Variants in CUBN observed in about 807,000 individuals in gnomAD.
CUBN encodes cubilin.
CUBN carries 282 observed loss-of-function variants against 405.3 expected under a neutral mutation model. The ratio of observed to expected loss-of-function variants is 0.70; its 90% CI spans 0.63 to 0.77. The LOEUF is 0.77. Among genes scored for constraint, CUBN ranks in the 30% least tolerant of loss-of-function variants. The pLI is 0.00. For synonymous variants in CUBN, 1,684 were observed against 1,617.0 expected (o/e 1.04, Z -0.99); for missense variants, 4,514 against 4,475.2 (o/e 1.01, Z -0.25).
intron 31 of CUBN, among the ~76,000 whole-genome samples, chr10:16,965,305 ATAC>A (rs1409414552): frequency 6.6e-6 from 1 of 152,224 alleles, no homozygotes; most frequent in African/African-American, 2.4e-5. Context: ...GTAACATCAC[ATAC>A]TAAAGTAAAG....
intron 10 of CUBN, among the ~76,000 whole-genome samples, chr10:17,106,594 T>G (rs1457684706): frequency 1.1e-5 from 1 of 89,596 alleles, no homozygotes; most frequent in African/African-American, 4.9e-5. Context: ...CAAAACGCCA[T>G]CTCAAAAAAA....
intron 59 of CUBN, among the ~76,000 whole-genome samples, chr10:16,862,106 G>A (rs900995422): frequency 5.3e-5 from 8 of 151,314 alleles, no homozygotes; most frequent in South Asian, 4.2e-4. Context: ...CGGAGATCAC[G>A]CCATTGCACT....
chr10:17,127,988 G>C, intron 2 of CUBN, 64 bp from the exon 3 acceptor site: 1 of 1,160,360 alleles, frequency 8.6e-7, no homozygotes, highest in Non-Finnish European at 1.3e-6. Context: ...TATCTTTACA[G>C]TAACATAATT....
At chr10:16,999,026 T>A (rs1049029421) in intron 28 of CUBN, among the ~76,000 whole-genome samples, 1 of 152,184 alleles carries the variant, frequency 6.6e-6, no homozygotes, top group African/African-American at 2.4e-5. Context: ...GAGCATCGGG[T>A]TTCAATGGTA....
chr10:16,910,128 T>C (rs940285558), intron 48 of CUBN, among the ~76,000 whole-genome samples: 2 of 151,956 alleles, frequency 1.3e-5, no homozygotes, highest in African/African-American at 4.8e-5. Context: ...TTCTCCTTCT[T>C]CTACTTCTTT....
At chr10:17,048,170 A>G (rs1432300263) in intron 22 of CUBN, among the ~76,000 whole-genome samples, 9 of 152,352 alleles carry the variant, frequency 5.9e-5, no homozygotes, top group Non-Finnish European at 7.3e-5. Context: ...AATGAAGAGG[A>G]TTGCTACCTT....
At chr10:16,894,536 T>C (rs1397950511) in intron 54 of CUBN, among the ~76,000 whole-genome samples, 1 of 152,228 alleles carries the variant, frequency 6.6e-6, no homozygotes, top group South Asian at 2.1e-4. Context: ...AGTGTATTTC[T>C]AGGTTCTCTG....
chr10:16,921,494 A>G lies in CUBN; in HGVS notation c.6647-1357T>C, dbSNP rs140458194. On this transcript the variant is annotated intron_variant, in intron 43 of 66. Transcript: ENST00000377833. ...CTTCTTCAACCCTATGAAAGCACTC[A>G]TGTTCTCCCAAGTCACCTCACAGTT... Among the ~76,000 whole-genome samples, 280 of 152,130 alleles carry G rather than the reference A, an allele frequency of 1.8e-3. 1 individual carries two copies. The South Asian group carries it at 0.023, about 13-fold the overall frequency.
intron 29 of CUBN, among the ~76,000 whole-genome samples, chr10:16,989,992 G>A (rs143324905): frequency 2.6e-4 from 40 of 152,342 alleles, no homozygotes; most frequent in African/African-American, 9.1e-4. Flanking sequence ...CCTCCACTGT[G>A]GTCCTTCAGA....
chr10:16,855,034 C>A (rs1341711897), intron 59 of CUBN, among the ~76,000 whole-genome samples: 1 of 135,980 alleles, frequency 7.4e-6, no homozygotes, highest in Non-Finnish European at 1.6e-5. Flanking sequence ...CTCTCTTTCT[C>A]TCTATCTCTC....
intron 28 of CUBN, among the ~76,000 whole-genome samples, chr10:17,009,007 C>T (rs546737492): frequency 1.2e-4 from 18 of 152,296 alleles, no homozygotes; most frequent in Admixed American, 1.1e-3. Flanking sequence ...CATGGAAGAG[C>T]TCGCCCTCTC....
At chr10:17,018,139 A>G (rs868336012) in intron 28 of CUBN, among the ~76,000 whole-genome samples, 4 of 152,044 alleles carry the variant, frequency 2.6e-5, no homozygotes, top group Non-Finnish European at 5.9e-5. Flanking sequence ...AAAGCCTGAC[A>G]CCCGTGTCTT....
intron 49 of CUBN, among the ~76,000 whole-genome samples, chr10:16,906,766 T>C (rs2131436739): frequency 6.6e-6 from 1 of 152,292 alleles, no homozygotes; most frequent in Non-Finnish European, 1.5e-5. Flanking sequence ...GATTAGCAAT[T>C]CTCCACTTGA....
intron 54 of CUBN, among the ~76,000 whole-genome samples, chr10:16,893,572 A>G (rs1047634586): frequency 1.7e-4 from 26 of 152,268 alleles, no homozygotes; most frequent in African/African-American, 6.0e-4. Flanking sequence ...TCTGCTTTCC[A>G]TTTCTAAAAC....
At chr10:16,998,596 C>T (rs1833798469) in intron 28 of CUBN, among the ~76,000 whole-genome samples, 1 of 152,186 alleles carries the variant, frequency 6.6e-6, no homozygotes, top group African/African-American at 2.4e-5. Flanking sequence ...CTAATGTATC[C>T]TCATTCTTTC....
At chr10:16,980,355 G>A (rs1210832232) in intron 31 of CUBN, among the ~76,000 whole-genome samples, 3 of 152,156 alleles carry the variant, frequency 2.0e-5, no homozygotes, top group Non-Finnish European at 4.4e-5. Context: ...ATAACCAAAG[G>A]ATTATAAATC....
chr10:16,903,099 A>G (rs556718564), intron 51 of CUBN, among the ~76,000 whole-genome samples: 47 of 152,358 alleles, frequency 3.1e-4, no homozygotes, highest in Non-Finnish European at 6.5e-4. Flanking sequence ...TCATGACAAA[A>G]TAGGATTTAT....
chr10:16,913,893 G>T lies in CUBN; in HGVS notation c.7451C>A (p.Ala2484Asp), dbSNP rs745913035. The change falls in exon 48 of 67, where the codon GCC (alanine) becomes GAC (aspartate). Residue 2484 changes from alanine (A) to aspartate (D), a missense_variant. By Grantham distance (126) the Ala-to-Asp change is moderately radical. Around this residue, in one of 5 missense-constraint regions of CUBN, gnomAD observed 1,613 missense variants for 1,542.8 expected, o/e 1.05. Transcript: ENST00000377833. ...HGRICEWRIT[A>D]PEGRRITLMF... Reference sequence around the variant, plus strand: ...TAGGGTGATCCGCCTTCCCTCCGGGGCAGTGATTCTCCACTCGCAGATCCG... The same window carrying T: ...TAGGGTGATCCGCCTTCCCTCCGGGTCAGTGATTCTCCACTCGCAGATCCG... The T allele has an allele frequency of 4.3e-6, 7 of 1,614,072 alleles. No individual in the cohort carries two copies. The highest frequency in any genetic ancestry group is 5.1e-6 in the Non-Finnish European group (6 of 1,180,006).
chr10:17,111,111 C>T (rs946672990), intron 8 of CUBN, 61 bp from the exon 9 acceptor site: 182 of 1,578,850 alleles, frequency 1.2e-4, no homozygotes, highest in Admixed American at 2.0e-4. Flanking sequence ...GGAAGAAATA[C>T]AAGAGTCAAA....
Sources: allele counts gnomAD v4.1 joint callset (sites outside exome capture counted in the v4.1 genomes callset), GRCh38; gene constraint gnomAD v4.1.1; regional missense constraint gnomAD v4.1.1; transcripts MANE v1.5; gene names NCBI Gene and HGNC (gene_info 2026-07-23, HGNC 2026-07-21).